Variants in DBT observed in about 807,000 individuals in gnomAD.
DBT encodes the protein dihydrolipoamide branched chain transacylase E2, also known as lipoamide acyltransferase component of branched-chain alpha-keto acid dehydrogenase complex, mitochondrial.
DBT carries 40 observed loss-of-function variants against 51.3 expected under a neutral mutation model. The ratio of observed to expected loss-of-function variants is 0.78; its 90% confidence interval spans 0.61 to 1.02. The LOEUF is 1.02. Ranked by LOEUF, DBT falls within the 50% of genes least tolerant of loss-of-function variation. The pLI, the probability that DBT is intolerant of heterozygous loss-of-function variation, is 0.00. For missense variants in DBT, 510 were observed against 580.2 expected, an observed-to-expected ratio of 0.88 and a Z score of 1.24; for synonymous variants, 181 against 190.4, an observed-to-expected ratio of 0.95 and a Z score of 0.41.
chr1:100,246,960 T>G (rs1557963982), intron 1 of DBT, among the ~76,000 whole-genome samples: 2 of 152,184 alleles, frequency 1.3e-5, no homozygotes, highest in Non-Finnish European at 2.9e-5. Flanking sequence ...GCAAGAGTCT[T>G]TAAAGCAGAG....
At chr1:100,248,032 G>A in intron 1 of DBT, among the ~76,000 whole-genome samples, 1 of 151,464 alleles carries the variant, frequency 6.6e-6, no homozygotes, top group African/African-American at 2.4e-5. Flanking sequence ...AAACTGGGAG[G>A]CAGGGGTTGC....
At chr1:100,213,590 A>T (rs2100794415) in intron 7 of DBT, 1 of 1,595,872 alleles carries the variant, frequency 6.3e-7, no homozygotes, top group South Asian at 1.1e-5. Context: ...CCTGGCCATC[A>T]TCCTGTTCCC....
At chr1:100,246,081 G>A (rs1268489517) in intron 1 of DBT, among the ~76,000 whole-genome samples, 2 of 152,082 alleles carry the variant, frequency 1.3e-5, no homozygotes, top group African/African-American at 4.8e-5. Flanking sequence ...GGCCAACACA[G>A]CGAAACCCCG....
At chr1:100,199,433 G>A (rs1661302829) in intron 10 of DBT, among the ~76,000 whole-genome samples, 1 of 152,120 alleles carries the variant, frequency 6.6e-6, no homozygotes, top group Non-Finnish European at 1.5e-5. Flanking sequence ...GAAGTAGATT[G>A]GCTATATTTG....
At chr1:100,218,874 T>A in intron 4 of DBT, 127 bp from the exon 5 acceptor site, 2 of 672,210 alleles carry the variant, frequency 3.0e-6, no homozygotes, top group Non-Finnish European at 2.4e-6. Flanking sequence ...TCTAAATGTA[T>A]AAAAGTTGAA....
intron 2 of DBT, among the ~76,000 whole-genome samples, chr1:100,239,235 G>T (rs1266535848): frequency 6.6e-6 from 1 of 152,118 alleles, no homozygotes; most frequent in Admixed American, 6.5e-5. Context: ...GGTGAAACTT[G>T]CTTAAAGTTA....
chr1:100,236,210 C>G (rs1478420201), intron 2 of DBT, among the ~76,000 whole-genome samples: 2 of 152,054 alleles, frequency 1.3e-5, no homozygotes, highest in Non-Finnish European at 2.9e-5. Context: ...CAATCCTCCT[C>G]CCTCCATCTC....
intron 10 of DBT, among the ~76,000 whole-genome samples, chr1:100,199,484 C>T (rs1661305514): frequency 6.6e-6 from 1 of 152,194 alleles, no homozygotes; most frequent in East Asian, 1.9e-4. Context: ...CTGGCATAAT[C>T]CACAATGGTT....
intron 10 of DBT, among the ~76,000 whole-genome samples, chr1:100,202,541 A>G (rs1661518952): frequency 6.6e-6 from 1 of 152,232 alleles, no homozygotes; most frequent in Non-Finnish European, 1.5e-5. Flanking sequence ...ATTAACAAGC[A>G]TCTTCAGGAC....
intron 3 of DBT, 58 bp downstream of exon 3, chr1:100,235,374 ATAGT>A: frequency 1.2e-6 from 1 of 820,194 alleles, no homozygotes; most frequent in Non-Finnish European, 2.0e-6. Flanking sequence ...AAAAATAAAA[ATAGT>A]TATTTTTACT....
intron 5 of DBT, among the ~76,000 whole-genome samples, chr1:100,217,828 A>G (rs530225736): frequency 1.3e-5 from 2 of 152,324 alleles, no homozygotes; most frequent in South Asian, 4.1e-4. Flanking sequence ...ATATGTGCTC[A>G]AATAATGGAG....
intron 7 of DBT, chr1:100,210,992 C>A: frequency 1.2e-6 from 1 of 829,212 alleles, no homozygotes; most frequent in South Asian, 1.5e-5. Flanking sequence ...ATAAAGTAGT[C>A]AGGTAGCTTG....
chr1:100,196,914 C>T (rs1557939763), intron 10 of DBT: 2 of 204,122 alleles, frequency 9.8e-6, no homozygotes, highest in East Asian at 1.1e-4. Context: ...GTAAGCACCA[C>T]ATCAAACAGG....
At chr1:100,226,415 C>A (rs569912925) in intron 4 of DBT, among the ~76,000 whole-genome samples, 1 of 151,328 alleles carries the variant, frequency 6.6e-6, no homozygotes, top group Non-Finnish European at 1.5e-5. Flanking sequence ...TCCTAAGTAG[C>A]TGGGACCACA....
intron 1 of DBT, among the ~76,000 whole-genome samples, chr1:100,247,098 G>A (rs1220099754): frequency 6.6e-6 from 1 of 152,198 alleles, no homozygotes; most frequent in Non-Finnish European, 1.5e-5. Context: ...CAGAGTTGGG[G>A]TTGGGATGGG....
intron 10 of DBT, among the ~76,000 whole-genome samples, chr1:100,199,492 G>A (rs540459505): frequency 5.6e-4 from 86 of 152,290 alleles, no homozygotes; most frequent in African/African-American, 1.9e-3. Flanking sequence ...ATCCACAATG[G>A]TTGATCCATA....
chr1:100,207,562 C>T (rs1192539171), intron 8 of DBT, among the ~76,000 whole-genome samples: 1 of 151,926 alleles, frequency 6.6e-6, no homozygotes, highest in Non-Finnish European at 1.5e-5. Flanking sequence ...TGGCTCATGC[C>T]TATAATCCCA....
intron 7 of DBT, among the ~76,000 whole-genome samples, chr1:100,213,826 A>AG (rs1218058030): frequency 6.6e-6 from 1 of 152,190 alleles, no homozygotes; most frequent in African/African-American, 2.4e-5. Context: ...CGGAGCGTGG[A>AG]GAGGCAGCGC....
rs1010212655 is a variant in DBT at position 100,188,764 on chromosome 1, A to G, written c.*7491T>C. Reference sequence around the variant, plus strand: ...ACTCCATAAAAGCCTGATATAGATGACCTCTCTATAACAGAACTGCAATTA... The same window carrying G: ...ACTCCATAAAAGCCTGATATAGATGGCCTCTCTATAACAGAACTGCAATTA... On this transcript the variant is annotated 3_prime_UTR_variant, in exon 11 of 11. Transcript: ENST00000370132. 6.6e-6 allele frequency: 1 copy of G among 151,918 alleles called. No homozygotes were observed. Among genetic ancestry groups the G allele is most frequent in the African/African-American group, 2.4e-5 (1 of 41,324 alleles). 9.4% of individuals were successfully genotyped at this position (151,918 alleles called of 1,614,324 possible).
Sources: gnomAD v4.1 joint callset for allele counts (sites outside exome capture counted in the v4.1 genomes callset) on GRCh38, gnomAD v4.1.1 for gene constraint, MANE v1.5 for transcripts, NCBI Gene and HGNC (gene_info 2026-07-23, HGNC 2026-07-21) for gene names.